Variants in COL13A1 observed in about 807,000 individuals in gnomAD.
COL13A1 encodes the protein collagen type XIII alpha 1 chain.
COL13A1 carries 89 observed loss-of-function variants against 130.9 expected under a neutral mutation model. The observed-to-expected ratio is 0.68, with a 90% CI of 0.57 to 0.81. The LOEUF is 0.81. COL13A1 is among the 30% of genes least tolerant of loss of function. The pLI is 0.00. For missense variants in COL13A1, 879 were observed against 934.6 expected (o/e 0.94, Z 0.78); for synonymous variants, 402 against 341.6 (o/e 1.18, Z -1.95).
At chr10:69,802,875 C>T (rs962119642) in intron 1 of COL13A1, among the ~76,000 whole-genome samples, 158 bp downstream of exon 1, 1 of 152,226 alleles carries the variant, frequency 6.6e-6, no homozygotes, top group African/African-American at 2.4e-5. Flanking sequence ...ACAGACGCTG[C>T]CCTACCAGGG....
In COL13A1 at chr10:69,945,714, C is replaced by G; in HGVS notation, c.2012C>G (p.Ala671Gly). 1 of 1,612,404 alleles carries G rather than the reference C, an allele frequency of 6.2e-7. No individual in the cohort carries two copies. Among genetic ancestry groups the G allele is most frequent in the Non-Finnish European group, 8.5e-7 (1 of 1,179,276 alleles). Residue 671 changes from alanine (A) to glycine (G), a missense_variant, in exon 37 of 41, where the codon GCT becomes GGT. Ala to Gly is a moderately conservative substitution (Grantham distance 60). Coordinates refer to ENST00000645393, the MANE Select transcript of COL13A1 (RefSeq NM_001368882.1). Reference sequence around the variant, plus strand: ...GGGATGACAGGACCAACGGGAGCAGCTGGGCTTCCTGTGAGTCTCTTGGGA... The same window carrying G: ...GGGATGACAGGACCAACGGGAGCAGGTGGGCTTCCTGTGAGTCTCTTGGGA... ...DPGMTGPTGA[A>G]GLPGLHGPPG...
rs117572667 is a variant in COL13A1 at position 69,917,900 on chromosome 10, G to A, written c.967-385G>A. On this transcript the variant is annotated intron_variant, in intron 18 of 40. Coordinates refer to ENST00000645393, the MANE Select transcript of COL13A1 (RefSeq NM_001368882.1). ...TCCCGTGGCTTTCCATTCTCCTGCCGTCTCCCTTCCCATCTCCTCCTCCTC... is the reference window on the plus strand; with the variant it reads ...TCCCGTGGCTTTCCATTCTCCTGCCATCTCCCTTCCCATCTCCTCCTCCTC... Among the ~76,000 whole-genome samples the A allele has an allele frequency of 9.8e-3, 1,482 of 151,826 alleles. 18 individuals are homozygous for A. The highest frequency in any genetic ancestry group is 0.012 in the Non-Finnish European group (841 of 67,912).
At chr10:69,809,362 C>T (rs146570790) in intron 1 of COL13A1, among the ~76,000 whole-genome samples, 21 of 152,312 alleles carry the variant, frequency 1.4e-4, no homozygotes, top group African/African-American at 3.1e-4. Flanking sequence ...ATTGAGTTTA[C>T]GCTGTGTATT....
intron 2 of COL13A1, among the ~76,000 whole-genome samples, chr10:69,863,611 A>G (rs1858865542): frequency 6.6e-6 from 1 of 152,150 alleles, no homozygotes; most frequent in Non-Finnish European, 1.5e-5. Context: ...GGTGGCACCA[A>G]GTCCAGGGTC....
intron 2 of COL13A1, among the ~76,000 whole-genome samples, chr10:69,846,454 A>T (rs1305247616): frequency 6.6e-6 from 1 of 152,134 alleles, no homozygotes; most frequent in Non-Finnish European, 1.5e-5. Flanking sequence ...AGCCCAGCAC[A>T]CCTGCCCGCC....
At chr10:69,924,821 T>C (rs1211235194) in intron 24 of COL13A1, 142 bp from the exon 25 acceptor site, 4 of 749,078 alleles carry the variant, frequency 5.3e-6, no homozygotes, top group Non-Finnish European at 7.9e-6. Flanking sequence ...CCCTGGATGT[T>C]TCCTGAAGGG....
At chr10:69,873,337 A>G (rs904953748) in intron 4 of COL13A1, among the ~76,000 whole-genome samples, 2 of 152,234 alleles carry the variant, frequency 1.3e-5, no homozygotes, top group African/African-American at 4.8e-5. Flanking sequence ...GAATGTTCAG[A>G]CTTGCAAATG....
intron 15 of COL13A1, among the ~76,000 whole-genome samples, chr10:69,904,149 C>T (rs1046975116): frequency 1.3e-5 from 2 of 152,146 alleles, no homozygotes; most frequent in Admixed American, 6.5e-5. Context: ...GGAAACGGAA[C>T]CAAACTAAGG....
chr10:69,893,491 C>T (rs1466352360), intron 10 of COL13A1, among the ~76,000 whole-genome samples: 3 of 152,228 alleles, frequency 2.0e-5, no homozygotes, highest in African/African-American at 7.2e-5. Flanking sequence ...TGTTGGCAAG[C>T]GGGGAGCAGG....
chr10:69,812,493 G>A (rs1357250727), intron 1 of COL13A1, among the ~76,000 whole-genome samples: 2 of 152,162 alleles, frequency 1.3e-5, no homozygotes, highest in Non-Finnish European at 2.9e-5. Flanking sequence ...TCCAGTAATA[G>A]ATCATCCAAT....
At position 69,908,009 on chromosome 10, in the gene COL13A1, G is replaced by A. The variant is rs1044606229; in HGVS notation, c.921+2187G>A. Among the ~76,000 whole-genome samples, 3 of 152,222 alleles carry A rather than the reference G, an allele frequency of 2.0e-5. No homozygotes were observed. The South Asian group carries it at 6.2e-4, about 31-fold the overall frequency. ...GCACTGGAGCTCTCCAAAGTCTCCT[G>A]GCTCATAAGTGGCAGAGCAGGAGTT... On this transcript the variant is annotated intron_variant, in intron 17 of 40. Coordinates refer to ENST00000645393, the MANE Select transcript of COL13A1 (RefSeq NM_001368882.1).
intron 38 of COL13A1, among the ~76,000 whole-genome samples, chr10:69,949,736 C>T (rs2069103377): frequency 6.6e-6 from 1 of 152,128 alleles, no homozygotes; most frequent in South Asian, 2.1e-4. Flanking sequence ...GGCCCGGGAG[C>T]CACCTTTAGG....
intron 35 of COL13A1, among the ~76,000 whole-genome samples, chr10:69,943,548 G>A (rs2067982907): frequency 6.6e-6 from 1 of 150,870 alleles, no homozygotes; most frequent in East Asian, 1.9e-4. Context: ...TGCAGACATT[G>A]AGGCACCCTA....
chr10:69,850,202 G>T (rs1305309271), intron 2 of COL13A1, among the ~76,000 whole-genome samples: 2 of 151,586 alleles, frequency 1.3e-5, no homozygotes, highest in African/African-American at 2.4e-5. Flanking sequence ...ATGAATTTGT[G>T]CATTAACTCA....
chr10:69,824,269 C>T (rs1846929382), intron 2 of COL13A1: 2 of 418,628 alleles, frequency 4.8e-6, no homozygotes, highest in South Asian at 1.8e-5. Context: ...AACTGCCTCT[C>T]GCACTTCAAA....
chr10:69,954,544 T>C (rs530571244), intron 39 of COL13A1, among the ~76,000 whole-genome samples: 2 of 152,100 alleles, frequency 1.3e-5, no homozygotes, highest in Non-Finnish European at 2.9e-5. Context: ...CTCCATCACA[T>C]GATTTGGGGG....
chr10:69,957,846 C>A (rs1387195913), intron 40 of COL13A1, among the ~76,000 whole-genome samples: 4 of 152,148 alleles, frequency 2.6e-5, no homozygotes, highest in African/African-American at 9.7e-5. Flanking sequence ...CTCACCAACC[C>A]CCCACCACCA....
At chr10:69,806,220 T>C (rs1196732374) in intron 1 of COL13A1, among the ~76,000 whole-genome samples, 3 of 152,086 alleles carry the variant, frequency 2.0e-5, no homozygotes, top group East Asian at 3.9e-4. Flanking sequence ...TCCTGAAGAA[T>C]GGGAGAAGGA....
chr10:69,868,930 G>C (rs1465588696), intron 3 of COL13A1, among the ~76,000 whole-genome samples: 1 of 152,188 alleles, frequency 6.6e-6, no homozygotes, highest in African/African-American at 2.4e-5. Context: ...GCTTTCACCT[G>C]TGGGAAATGT....
Sources: gnomAD v4.1 joint callset for allele counts (sites outside exome capture counted in the v4.1 genomes callset) on GRCh38, gnomAD v4.1.1 for gene constraint, MANE v1.5 for transcripts, NCBI Gene and HGNC (gene_info 2026-07-23, HGNC 2026-07-21) for gene names.